The following CCDC33 variants were observed in gnomAD, a reference collection of about 807,000 sequenced individuals.
CCDC33 encodes the protein coiled-coil domain-containing protein 33.
CCDC33 carries 94 observed loss-of-function variants against 91.9 expected under a neutral mutation model. The observed-to-expected ratio is 1.02, with a 90% CI of 0.87 to 1.21. The LOEUF is 1.21. Ranked by LOEUF, CCDC33 falls within the 50% of genes most tolerant of loss-of-function variation. The pLI is 0.00. For missense variants in CCDC33, 940 were observed against 935.5 expected, an observed-to-expected ratio of 1.00 and a Z score of -0.06; for synonymous variants, 396 against 374.5, an observed-to-expected ratio of 1.06 and a Z score of -0.66.
chr15:74,333,384 G>T (rs1567044792), intron 16 of CCDC33: 3 of 1,321,438 alleles, frequency 2.3e-6, no homozygotes, highest in Non-Finnish European at 3.2e-6. Context: ...TGCTTCAGGG[G>T]CCCCTTGCTT....
At chr15:74,329,889 T>A (rs1355488043) in intron 11 of CCDC33, among the ~76,000 whole-genome samples, 1 of 152,188 alleles carries the variant, frequency 6.6e-6, no homozygotes, top group African/African-American at 2.4e-5. Flanking sequence ...CAAGTCTCCA[T>A]TGCCCATAGG....
intron 2 of CCDC33, among the ~76,000 whole-genome samples, chr15:74,223,828 C>T (rs1567214360): frequency 7.9e-6 from 1 of 126,002 alleles, no homozygotes; most frequent in Non-Finnish European, 1.9e-5. Context: ...TACATTTCTC[C>T]ATCAATTTAC....
At chr15:74,231,830 A>G (rs746177629), upstream of CCDC33, among the ~76,000 whole-genome samples, 1 of 152,162 alleles carries the variant, frequency 6.6e-6, no homozygotes, top group Non-Finnish European at 1.5e-5. Flanking sequence ...AGCCTGATCA[A>G]CATGGGAAAC....
intron 16 of CCDC33, chr15:74,333,219 A>C (rs1287236565): frequency 1.6e-5 from 25 of 1,583,898 alleles, no homozygotes; most frequent in Middle Eastern, 1.7e-4. Context: ...TTTCCATCCC[A>C]GGTGGACCCC....
intron 11 of CCDC33, chr15:74,300,755 T>C (rs966544972): frequency 5.9e-5 from 9 of 152,586 alleles, no homozygotes; most frequent in African/African-American, 2.2e-4. Context: ...TGCCTCTCTG[T>C]GCAATGCTGC....
intron 12 of CCDC33, 65 bp downstream of exon 12, chr15:74,330,419 A>G (rs2060406257): frequency 6.8e-7 from 1 of 1,470,784 alleles, no homozygotes; most frequent in Non-Finnish European, 9.1e-7. Flanking sequence ...CAGGTTGTGC[A>G]ATAGGGTGGC....
intron 4 of CCDC33, among the ~76,000 whole-genome samples, chr15:74,267,455 G>A (rs933466383): frequency 2.0e-5 from 3 of 152,220 alleles, no homozygotes; most frequent in South Asian, 4.1e-4. Context: ...TCACTCCAAG[G>A]TTGGGCCTCC....
chr15:74,278,596 C>T (rs2076510853), intron 7 of CCDC33, among the ~76,000 whole-genome samples: 1 of 152,240 alleles, frequency 6.6e-6, no homozygotes, highest in Non-Finnish European at 1.5e-5. Flanking sequence ...TGGAGTCTCT[C>T]CTCATTTCAG....
chr15:74,235,450 T>G (rs1386487143), upstream of CCDC33, among the ~76,000 whole-genome samples: 1 of 152,138 alleles, frequency 6.6e-6, no homozygotes, highest in Non-Finnish European at 1.5e-5. Context: ...ATCTCCAACT[T>G]GGGGCCCAAA....
rs2076328197 is a variant in CCDC33 at position 74,271,876 on chromosome 15, G to A, written c.638+82G>A. ...GGGTGAGGCTGTCATTGCTGCCATG[G>A]GCTGATTCCAGGACCTCCGGCAACC... On this transcript the variant is annotated intron_variant, in intron 6 of 18. Transcript: ENST00000398814. 2.4e-6 allele frequency: 3 copies of A among 1,254,716 alleles called. No individual in the cohort carries two copies. The South Asian group carries it at 3.8e-5, about 16-fold the overall frequency. The allele number at this position is 1,254,716 out of a possible 1,614,324, so 77.7% of individuals were successfully genotyped here. A position where few individuals can be genotyped will look rare whatever the true frequency, so the allele number is the denominator to read the frequency against.
intron 11 of CCDC33, among the ~76,000 whole-genome samples, chr15:74,315,118 C>T (rs967340413): frequency 1.3e-5 from 2 of 152,206 alleles, no homozygotes; most frequent in Non-Finnish European, 2.9e-5. Flanking sequence ...TGTGCGACTC[C>T]AGGAGATGGG....
At chr15:74,207,878 G>A (rs1346446379) in intron 1 of CCDC33, 2 of 1,509,194 alleles carry the variant, frequency 1.3e-6, no homozygotes, top group African/African-American at 2.8e-5. Context: ...CCACACAGTG[G>A]GCTGGAAGGC....
At chr15:74,296,054 G>T in intron 11 of CCDC33, 106 bp downstream of exon 11, 1 of 949,232 alleles carries the variant, frequency 1.1e-6, no homozygotes, top group African/African-American at 1.7e-5. Context: ...GTGGCCAGTA[G>T]ACCTCCCTCC....
At chr15:74,257,130 GC>G (rs2075889907) in intron 2 of CCDC33, among the ~76,000 whole-genome samples, 1 of 152,212 alleles carries the variant, frequency 6.6e-6, no homozygotes, top group Admixed American at 6.5e-5. Context: ...GTAAACTGAG[GC>G]CCACCTGCAG....
intron 2 of CCDC33, among the ~76,000 whole-genome samples, chr15:74,251,827 GA>G (rs1469106647): frequency 1.3e-5 from 2 of 152,208 alleles, no homozygotes; most frequent in African/African-American, 4.8e-5. Context: ...ACTAATTGAA[GA>G]AGATGTTAAA....
chr15:74,220,019 C>T (rs2074549314), intron 2 of CCDC33, among the ~76,000 whole-genome samples: 2 of 151,926 alleles, frequency 1.3e-5, no homozygotes, highest in African/African-American at 2.4e-5. Context: ...TGGGAGAGGG[C>T]CTGGGGATGG....
chr15:74,252,526 CGGT>C (rs1452599451), intron 2 of CCDC33, among the ~76,000 whole-genome samples: 3 of 152,222 alleles, frequency 2.0e-5, no homozygotes, highest in Admixed American at 1.3e-4. Context: ...CTGGTTCTAA[CGGT>C]GCAGTCCTGG....
intron 2 of CCDC33, among the ~76,000 whole-genome samples, chr15:74,247,359 T>C (rs912190245): frequency 5.9e-5 from 3 of 51,052 alleles, no homozygotes; most frequent in Non-Finnish European, 2.4e-4. Context: ...AAAAATGTCA[T>C]ATATATATAT....
intron 11 of CCDC33, among the ~76,000 whole-genome samples, chr15:74,296,942 A>T (rs1416209876): frequency 6.6e-6 from 1 of 152,210 alleles, no homozygotes; most frequent in Non-Finnish European, 1.5e-5. Context: ...GCTCTGGAAG[A>T]TCTTGAGAAA....
Sources: gnomAD v4.1 joint callset for allele counts (sites outside exome capture counted in the v4.1 genomes callset) on GRCh38, gnomAD v4.1.1 for gene constraint, MANE v1.5 for transcripts, NCBI Gene and HGNC (gene_info 2026-07-23, HGNC 2026-07-21) for gene names.